Variants in KCND2 observed in about 807,000 individuals in gnomAD.
KCND2 encodes potassium voltage-gated channel subfamily D member 2.
A neutral mutation model predicts 54.4 loss-of-function variants in KCND2; 16 were observed. The observed-to-expected ratio is 0.29, with a 90% confidence interval of 0.20 to 0.45. KCND2 has a LOEUF of 0.45. KCND2 is among the 20% of genes least tolerant of loss of function. The pLI is 1.00. For missense variants in KCND2, 486 were observed against 824.2 expected (o/e 0.59, Z 5.02); for synonymous variants, 317 against 310.7 (o/e 1.02, Z -0.21).
intron 1 of KCND2, among the ~76,000 whole-genome samples, chr7:120,730,127 G>C (rs889799150): frequency 5.9e-5 from 9 of 152,032 alleles, no homozygotes; most frequent in African/African-American, 2.2e-4. Flanking sequence ...ATTTTAAAAG[G>C]CTTATTTTAA....
At chr7:120,683,785 A>G (rs1792168749) in intron 1 of KCND2, among the ~76,000 whole-genome samples, 1 of 152,156 alleles carries the variant, frequency 6.6e-6, no homozygotes, top group African/African-American at 2.4e-5. Context: ...TAAAGTCTAG[A>G]TGATCAAAAA....
At position 120,400,343 on chromosome 7, in the gene KCND2, A is replaced by G. The variant is rs560118753; in HGVS notation, c.1115+124596A>G. 2.0e-5 allele frequency among the ~76,000 whole-genome samples: 3 copies of G among 152,308 alleles called. No homozygotes were observed. The South Asian group carries it at 6.2e-4, about 32-fold the overall frequency. Reference sequence around the variant, plus strand: ...TTATGACTTTTTTTCACTATAAACTAAACAGCAAACAACCATACTCCAATA... The same window carrying G: ...TTATGACTTTTTTTCACTATAAACTGAACAGCAAACAACCATACTCCAATA... On this transcript the variant is annotated intron_variant, in intron 1 of 5. Transcript: ENST00000331113.
intron 1 of KCND2, among the ~76,000 whole-genome samples, chr7:120,708,899 T>C (rs186632879): frequency 1.4e-4 from 22 of 152,260 alleles, no homozygotes; most frequent in Non-Finnish European, 2.9e-4. Context: ...GAGTCCTGTT[T>C]TGTTTACCCA....
chr7:120,664,456 G>A (rs1051114890), intron 1 of KCND2, among the ~76,000 whole-genome samples: 2 of 151,772 alleles, frequency 1.3e-5, no homozygotes, highest in African/African-American at 4.8e-5. Flanking sequence ...TTTAATAGGA[G>A]AGAAGAAATG....
intron 1 of KCND2, among the ~76,000 whole-genome samples, chr7:120,316,853 T>G (rs78852197): frequency 0.01 from 1,558 of 150,786 alleles, 26 homozygotes; most frequent in African/African-American, 0.035. Context: ...TTTTTTTTTT[T>G]TGGGACGAGG....
At chr7:120,383,464 G>A (rs1327308537) in intron 1 of KCND2, among the ~76,000 whole-genome samples, 2 of 150,810 alleles carry the variant, frequency 1.3e-5, no homozygotes, top group Non-Finnish European at 3.0e-5. Context: ...AACTATTGGA[G>A]AATTTTAAAT....
chr7:120,686,386 G>T (rs1792201917), intron 1 of KCND2, among the ~76,000 whole-genome samples: 1 of 152,040 alleles, frequency 6.6e-6, no homozygotes, highest in Non-Finnish European at 1.5e-5. Flanking sequence ...ACATATAATG[G>T]AATATTATTT....
intron 1 of KCND2, among the ~76,000 whole-genome samples, chr7:120,556,719 A>G (rs1341374985): frequency 6.6e-6 from 1 of 152,174 alleles, no homozygotes; most frequent in Non-Finnish European, 1.5e-5. Context: ...ACTTTTGCAC[A>G]GAGAAACAGT....
At chr7:120,743,437 T>G (rs1285150507) in intron 4 of KCND2, among the ~76,000 whole-genome samples, 2 of 152,152 alleles carry the variant, frequency 1.3e-5, no homozygotes, top group Non-Finnish European at 2.9e-5. Context: ...AGAAACGCCA[T>G]GAAATGAGGT....
At chr7:120,472,907 GA>G (rs1802479734) in intron 1 of KCND2, among the ~76,000 whole-genome samples, 1 of 152,194 alleles carries the variant, frequency 6.6e-6, no homozygotes, top group Admixed American at 6.5e-5. Context: ...GGACCATGAA[GA>G]ATTGTGAGCA....
chr7:120,380,984 A>G (rs1800908894), intron 1 of KCND2, among the ~76,000 whole-genome samples: 1 of 152,054 alleles, frequency 6.6e-6, no homozygotes, highest in Non-Finnish European at 1.5e-5. Flanking sequence ...ATTTAAAGAA[A>G]TTTTTTTACA....
chr7:120,457,511 C>A (rs1802217645), intron 1 of KCND2, among the ~76,000 whole-genome samples: 1 of 152,196 alleles, frequency 6.6e-6, no homozygotes, highest in Admixed American at 6.5e-5. Flanking sequence ...TGCTAAAGCA[C>A]AGCAAGAGTG....
At chr7:120,536,464 C>T (rs1392302042) in intron 1 of KCND2, among the ~76,000 whole-genome samples, 7 of 152,020 alleles carry the variant, frequency 4.6e-5, no homozygotes, top group Non-Finnish European at 8.8e-5. Context: ...TCCCTAATAG[C>T]GTGTGATGTT....
intron 1 of KCND2, among the ~76,000 whole-genome samples, chr7:120,496,829 A>T (rs571486312): frequency 1.3e-5 from 2 of 152,260 alleles, no homozygotes; most frequent in East Asian, 3.9e-4. Flanking sequence ...TGTTATAATT[A>T]GTTTTGTTTT....
rs568908877 is a variant in KCND2 at position 120,476,552 on chromosome 7, T to C, written c.1115+200805T>C. On this transcript the variant is annotated intron_variant, in intron 1 of 5. Transcript: ENST00000331113. ...TAGTCATTTCATATTATGAGCCCTC[T>C]AAGTCAATTAAGACATTAAACTTGA... is the stretch of plus-strand genomic sequence containing the variant. Among the ~76,000 whole-genome samples the C allele has an allele frequency of 2.6e-5, 4 of 152,322 alleles. No homozygotes were observed. The East Asian group carries it at 7.7e-4, about 29-fold the overall frequency.
chr7:120,507,251 CT>C (rs11292329), intron 1 of KCND2, among the ~76,000 whole-genome samples: 26,221 of 151,706 alleles, frequency 0.17, 4,713 homozygotes, highest in African/African-American at 0.46. Flanking sequence ...ATAACATATC[CT>C]TTTATGAATA....
chr7:120,338,888 T>TG (rs981278035), intron 1 of KCND2, among the ~76,000 whole-genome samples: 2 of 147,336 alleles, frequency 1.4e-5, no homozygotes, highest in Admixed American at 6.8e-5. Context: ...TGCTACTATC[T>TG]TTTTTTTTTG....
intron 1 of KCND2, among the ~76,000 whole-genome samples, chr7:120,483,288 A>T (rs750352273): frequency 1.3e-5 from 2 of 152,168 alleles, no homozygotes; most frequent in Non-Finnish European, 2.9e-5. Context: ...AACACACAAA[A>T]AGGGAAACAT....
In KCND2 at chr7:120,559,964, C is replaced by T. The variant is rs191800610; in HGVS notation, c.1116-172939C>T. ...GTTCTCAGATGAAGGACAATGCTAA[C>T]GTAAAATAGATGATTTCATGTTGTA... On this transcript the variant is annotated intron_variant, in intron 1 of 5. Coordinates refer to ENST00000331113, the MANE Select transcript of KCND2 (RefSeq NM_012281.3). Among the ~76,000 whole-genome samples, 34 of 152,170 alleles carry T rather than the reference C, an allele frequency of 2.2e-4. No homozygotes were observed. The East Asian group carries it at 6.6e-3, about 29-fold the overall frequency.
Sources: allele counts gnomAD v4.1 joint callset (sites outside exome capture counted in the v4.1 genomes callset), GRCh38; gene constraint gnomAD v4.1.1; transcripts MANE v1.5; gene names NCBI Gene and HGNC (gene_info 2026-07-23, HGNC 2026-07-21).